The following ATG16L1 variants were observed in gnomAD, a reference collection of about 807,000 sequenced individuals.
ATG16L1 encodes the protein autophagy-related protein 16-1.
Under a neutral mutation model 88.5 loss-of-function variants are expected in ATG16L1, and 37 were observed. That is an observed-to-expected ratio of 0.42 (90% confidence interval 0.32 to 0.55). The LOEUF is 0.55. Ranked by LOEUF, ATG16L1 falls within the 20% of genes least tolerant of loss-of-function variation. The pLI, the probability that ATG16L1 is intolerant of heterozygous loss-of-function variation, is 0.13. For missense variants in ATG16L1, 554 were observed against 752.8 expected (o/e 0.74, Z 3.09); for synonymous variants, 301 against 281.0 (o/e 1.07, Z -0.71).
At chr2:233,274,265 C>A in intron 8 of ATG16L1, 1 of 542,792 alleles carries the variant, frequency 1.8e-6, no homozygotes, top group South Asian at 2.9e-5. Flanking sequence ...TTAGACTCCA[C>A]ATTGATCACA....
intron 1 of ATG16L1, among the ~76,000 whole-genome samples, chr2:233,253,334 T>TTG: frequency 7.8e-6 from 1 of 128,138 alleles, no homozygotes; most frequent in African/African-American, 2.9e-5. Context: ...GAGACTGGGT[T>TTG]TTTTTGTTTT....
At chr2:233,282,566 G>A (rs1698789317) in intron 11 of ATG16L1, 116 bp from the exon 12 acceptor site, 1 of 888,452 alleles carries the variant, frequency 1.1e-6, no homozygotes. Flanking sequence ...CAGGCTGGTT[G>A]TATAGGGTGA....
At chr2:233,288,127 A>G (rs940526184) in intron 12 of ATG16L1, among the ~76,000 whole-genome samples, 5 of 152,162 alleles carry the variant, frequency 3.3e-5, no homozygotes, top group Admixed American at 3.3e-4. Flanking sequence ...AGAGGTTTGA[A>G]TGTGGGATAA....
chr2:233,254,173 G>A (rs1159461259), intron 1 of ATG16L1, among the ~76,000 whole-genome samples: 2 of 152,184 alleles, frequency 1.3e-5, no homozygotes, highest in African/African-American at 4.8e-5. Context: ...ATCTTGATGG[G>A]GCAGGAGCAT....
chr2:233,254,283 C>G (rs768724909), intron 1 of ATG16L1, among the ~76,000 whole-genome samples: 1 of 152,084 alleles, frequency 6.6e-6, no homozygotes, highest in African/African-American at 2.4e-5. Flanking sequence ...GGACAGGAGA[C>G]CGGGATGAGA....
In ATG16L1 at chr2:233,293,489, G is replaced by T. The variant is rs1201283813; in HGVS notation, c.1730+132G>T. 6 of 799,506 alleles carry T rather than the reference G, an allele frequency of 7.5e-6. No individual in the cohort carries two copies. In the African/African-American group the frequency reaches 8.5e-5, roughly 11 times the overall value. 49.5% of individuals were successfully genotyped at this position (799,506 alleles called of 1,614,324 possible). On this transcript the variant is annotated intron_variant, in intron 17 of 17. Coordinates refer to ENST00000392017, the MANE Select transcript of ATG16L1 (RefSeq NM_030803.7). ...TCCGCCCACCTGCTCGGCTGGCTGA[G>T]CTAGGTCAGTGGAGAGAAGCTGGGG...
In ATG16L1 at chr2:233,256,169, T is replaced by A. The variant is rs778821627; in HGVS notation, c.183T>A (p.His61Gln). ...VLAQKLQAEK[H>Q]DVPNRHEISP... is the part of the protein sequence containing the mutation. ...CCCAGAAACTACAGGCTGAAAAGCATGACGTACCAAACAGGCACGAGATAA... is the reference window on the plus strand; with the variant it reads ...CCCAGAAACTACAGGCTGAAAAGCAAGACGTACCAAACAGGCACGAGATAA... The change falls in exon 2 of 18, where the codon CAT becomes CAA. Residue 61 changes from histidine to glutamine, a missense_variant. This residue lies in a region of ATG16L1 where 101 missense variants were observed against 107.0 expected (regional missense o/e 0.94). Transcript: ENST00000392017. 6.2e-6 allele frequency: 10 copies of A among 1,614,148 alleles called. No individual in the cohort carries two copies. Among genetic ancestry groups the A allele is most frequent in the Non-Finnish European group, 6.8e-6 (8 of 1,180,000 alleles).
chr2:233,282,654 T>C (rs1004435237), intron 11 of ATG16L1, 28 bp from the exon 12 acceptor site: 3 of 1,601,810 alleles, frequency 1.9e-6, no homozygotes, highest in South Asian at 2.2e-5. Context: ...TGGCTAAAAA[T>C]TGGTTTTCCT....
chr2:233,286,699 C>T (rs959848509), intron 12 of ATG16L1, among the ~76,000 whole-genome samples: 6 of 146,552 alleles, frequency 4.1e-5, no homozygotes, highest in East Asian at 4.0e-4. Flanking sequence ...GATCTCTGCT[C>T]GCTGCAAGCT....
At chr2:233,263,280 A>G in intron 3 of ATG16L1, 45 bp downstream of exon 3, 2 of 1,561,450 alleles carry the variant, frequency 1.3e-6, no homozygotes, top group South Asian at 1.1e-5. Context: ...CCTCTATGAG[A>G]GTCCTGTGGG....
At chr2:233,252,695 G>A (rs887522770) in intron 1 of ATG16L1, among the ~76,000 whole-genome samples, 3 of 151,848 alleles carry the variant, frequency 2.0e-5, no homozygotes, top group African/African-American at 7.3e-5. Flanking sequence ...GCCCCACCTT[G>A]GTGTTAATAT....
chr2:233,261,301 C>T (rs115292089), intron 2 of ATG16L1, among the ~76,000 whole-genome samples: 19 of 152,272 alleles, frequency 1.2e-4, no homozygotes, highest in African/African-American at 4.1e-4. Context: ...CTAGCCAGCT[C>T]CTTGGAAGGT....
At chr2:233,293,794 C>G (rs1027423348) in intron 17 of ATG16L1, among the ~76,000 whole-genome samples, 1 of 152,142 alleles carries the variant, frequency 6.6e-6, no homozygotes, top group African/African-American at 2.4e-5. Context: ...GGCCCCAGAC[C>G]CCCTTTTTTC....
intron 6 of ATG16L1, among the ~76,000 whole-genome samples, chr2:233,271,153 G>T (rs1467602697): frequency 6.6e-6 from 1 of 152,202 alleles, no homozygotes; most frequent in Admixed American, 6.5e-5. Flanking sequence ...GCTTATAAAA[G>T]TGTCATTTGC....
chr2:233,256,645 A>G (rs1696794741), intron 2 of ATG16L1, among the ~76,000 whole-genome samples: 1 of 151,184 alleles, frequency 6.6e-6, no homozygotes, highest in Non-Finnish European at 1.5e-5. Context: ...TTTTCAACAT[A>G]CAAATGGTCC....
chr2:233,286,801 A>G (rs1699119111), intron 12 of ATG16L1, among the ~76,000 whole-genome samples: 1 of 151,050 alleles, frequency 6.6e-6, no homozygotes. Flanking sequence ...AAGTTTTTGT[A>G]TTTTTAGTAG....
In ATG16L1 at chr2:233,282,559, G is replaced by A. The variant is rs913689386; in HGVS notation, c.1132-123G>A. ...ACTCACGACAGTAGCTGGTATTCAG[G>A]CTGGTTGTATAGGGTGAAGCATCTA... On this transcript the variant is annotated intron_variant, in intron 11 of 17. Coordinates refer to ENST00000392017, the MANE Select transcript of ATG16L1 (RefSeq NM_030803.7). 4 of 820,454 alleles carry A rather than the reference G, an allele frequency of 4.9e-6. No homozygotes were observed. In the African/African-American group the frequency reaches 5.1e-5, roughly 10 times the overall value. The allele number at this position is 820,454 out of a possible 1,614,324, so 50.8% of individuals were successfully genotyped here.
intron 9 of ATG16L1, chr2:233,275,959 CAT>C (rs750430917): frequency 1.9e-5 from 10 of 519,020 alleles, no homozygotes; most frequent in African/African-American, 1.9e-4. Flanking sequence ...GAGTGGCAGT[CAT>C]GGGTGTGATG....
chr2:233,271,815 A>G lies in ATG16L1; in HGVS notation c.708-1151A>G, dbSNP rs558160212. Among the ~76,000 whole-genome samples the G allele has an allele frequency of 2.6e-5, 4 of 152,354 alleles. No individual in the cohort carries two copies. The South Asian group carries it at 8.3e-4, about 32-fold the overall frequency. ...TCTCCTCTCTTCCTTGTATGGGCAC[A>G]GGTGACTCTCGCAAACCTAGATCCC... On this transcript the variant is annotated intron_variant, in intron 6 of 17. Coordinates refer to ENST00000392017, the MANE Select transcript of ATG16L1 (RefSeq NM_030803.7).
Sources: gnomAD v4.1 joint callset for allele counts (sites outside exome capture counted in the v4.1 genomes callset) on GRCh38, gnomAD v4.1.1 for gene constraint, gnomAD v4.1.1 regional missense constraint, MANE v1.5 for transcripts, NCBI Gene and HGNC (gene_info 2026-07-23, HGNC 2026-07-21) for gene names.